The following CIDEB variants were observed in gnomAD, a reference collection of about 807,000 sequenced individuals.
CIDEB encodes the protein cell death inducing DFFA like effector b.
CIDEB carries 27 observed loss-of-function variants against 22.4 expected under a neutral mutation model. The observed-to-expected ratio is 1.21, with a 90% CI of 0.89 to 1.66. CIDEB has a LOEUF of 1.66. Ranked by LOEUF, CIDEB falls within the 40% of genes most tolerant of loss-of-function variation. The pLI is 0.00. For missense variants in CIDEB, 289 were observed against 268.7 expected (o/e 1.08, Z -0.53); for synonymous variants, 103 against 109.5 (o/e 0.94, Z 0.37).
upstream of CIDEB, chr14:24,310,594 C>G (rs1389896810): frequency 2.0e-6 from 3 of 1,486,998 alleles, no homozygotes; most frequent in South Asian, 3.4e-5. Context: ...CATCGGGCAT[C>G]ACAGGTGGGG....
chr14:24,310,497 TGG>T, upstream of CIDEB: 1 of 758,840 alleles, frequency 1.3e-6, no homozygotes. Flanking sequence ...GTGTTTGAGG[TGG>T]GGTCTGGGTC....
At chr14:24,307,070 A>C in intron 2 of CIDEB, 1 of 309,508 alleles carries the variant, frequency 3.2e-6, no homozygotes, top group South Asian at 6.7e-5. Flanking sequence ...ACAGGCAGGA[A>C]GTGGCAGAAT....
Position 24,307,417 on chromosome 14 carries a change from A to T in CIDEB, c.140T>A (p.Ile47Asn). Residue 47 changes from isoleucine to asparagine, a missense_variant, in exon 2 of 5, where the codon ATC (isoleucine) becomes AAC (asparagine). Physicochemically the swap from Ile to Asn is moderately radical, Grantham distance 149. Coordinates refer to ENST00000554411, the MANE Select transcript of CIDEB (RefSeq NM_001393339.1). ...GGTGGCAGCTGTCAGGCCTTTCCGG[A>T]TGGTCCGCTTGTGATCACAGACACG... Reference protein sequence around the residue: ...PFRVCDHKRTIRKGLTAATRQ... With the variant: ...PFRVCDHKRTNRKGLTAATRQ... The T allele has an allele frequency of 6.2e-7, 1 of 1,614,034 alleles. No homozygotes were observed. The highest frequency in any genetic ancestry group is 8.5e-7 in the Non-Finnish European group (1 of 1,179,960).
chr14:24,311,033 C>T (rs746485780), upstream of CIDEB: 8 of 1,580,510 alleles, frequency 5.1e-6, no homozygotes, highest in East Asian at 1.2e-4. Context: ...GCCTCGCAGT[C>T]ACCCGCCCCT....
upstream of CIDEB, chr14:24,310,821 G>C (rs1283653605): frequency 3.8e-6 from 6 of 1,594,502 alleles, no homozygotes; most frequent in Non-Finnish European, 5.1e-6. Flanking sequence ...GCCTGCACGG[G>C]GGCGACCGCT....
chr14:24,307,813 G>C lies in CIDEB; in HGVS notation c.41+5C>G. On this transcript the variant is annotated splice_donor_5th_base_variant and intron_variant, in intron 1 of 4. Transcript: ENST00000554411. The stretch of plus-strand genomic sequence containing the variant: ...TGGAGGGTAGAGCGGAGGGTTAGCA[G>C]TCACCTGAGTAAGTCACTGGGGTTC... 2 of 1,593,470 alleles carry C rather than the reference G, an allele frequency of 1.3e-6. No homozygotes were observed. Among genetic ancestry groups the C allele is most frequent in the Non-Finnish European group, 1.7e-6 (2 of 1,169,424 alleles).
rs758208237 is a variant in CIDEB at position 24,307,408 on chromosome 14, C to A, written c.149G>T (p.Gly50Val). 2.5e-6 allele frequency: 4 copies of A among 1,613,774 alleles called. No individual in the cohort carries two copies. In the East Asian group the frequency reaches 6.7e-5, roughly 27 times the overall value. Residue 50 changes from glycine to valine, a missense_variant, in exon 2 of 5, where the codon GGC (glycine) becomes GTC (valine). Gly to Val is a moderately radical substitution (Grantham distance 109, BLOSUM62 -3). Transcript: ENST00000554411. ...VCDHKRTIRK[G>V]LTAATRQELL... ...CTCCTGGCGGGTGGCAGCTGTCAGG[C>A]CTTTCCGGATGGTCCGCTTGTGATC...
Position 24,305,952 on chromosome 14 carries a change from T to C in CIDEB, c.522A>G (p.Val174=). The C allele has an allele frequency of 6.2e-7, 1 of 1,613,378 alleles. No homozygotes were observed. The highest frequency in any genetic ancestry group is 8.5e-7 in the Non-Finnish European group (1 of 1,179,524). The change falls in exon 4 of 5, where the codon GTA becomes GTG. Residue 174 remains valine (V), a synonymous_variant. Coordinates refer to ENST00000554411, the MANE Select transcript of CIDEB (RefSeq NM_001393339.1). ...ATGACATGTTGATTTCTGACCTGAG[T>C]ACTTTCTTTGGGCCAAGTCCTTGAA... The part of the protein sequence containing the change: ...CDFQGLGPKK[V]LRELLRWTST...
At position 24,305,411 on chromosome 14, in the gene CIDEB, C is replaced by T. The variant is rs2144493; in HGVS notation, c.*222G>A. The T allele has an allele frequency of 0.95, 576,590 of 606,522 alleles. 274,445 individuals carry two copies. The highest frequency in any genetic ancestry group is 0.97 in the Middle Eastern group (2,197 of 2,262). 37.6% of individuals were successfully genotyped at this position (606,522 alleles called of 1,614,324 possible). A position where few individuals can be genotyped will look rare whatever the true frequency, so the allele number is the denominator to read the frequency against. On this transcript the variant is annotated 3_prime_UTR_variant, in exon 5 of 5. Coordinates refer to ENST00000554411, the MANE Select transcript of CIDEB (RefSeq NM_001393339.1). ...TGGCCTTTCAGGGCAAGTGGGAGGC[C>T]AGAAAGGTGGCTAGGAAAGAACAGC...
Position 24,305,607 on chromosome 14 carries a change from T to A in CIDEB, c.*26A>T. The A allele has an allele frequency of 6.2e-7, 1 of 1,603,122 alleles. No homozygotes were observed. Among genetic ancestry groups the A allele is most frequent in the Non-Finnish European group, 8.5e-7 (1 of 1,175,026 alleles). ...CTTTGCAGTGGGTCGGTTGGAATGA[T>A]TCTGGGGGCAGAAGCTCAGAGCCCC... On this transcript the variant is annotated 3_prime_UTR_variant, in exon 5 of 5. Transcript: ENST00000554411.
upstream of CIDEB, chr14:24,310,512 C>A (rs892830487): frequency 2.4e-6 from 2 of 838,772 alleles, no homozygotes; most frequent in Non-Finnish European, 4.0e-6. Context: ...TCTGGGTCCT[C>A]GTGGAAGTCA....
Position 24,305,711 on chromosome 14 carries a change from C to T in CIDEB, c.582G>A (p.Leu194=), listed in dbSNP as rs1179443829. Residue 194 remains leucine, a synonymous_variant, in exon 5 of 5, where the codon CTG becomes CTA. Transcript: ENST00000554411. ...TLLQGLGHML[L]GISSTLRHAV... ...CATGACGAAGGGTGGAGGAAATTCC[C>T]AGCAACATATGGCCCAGGCCTTGCA... The T allele has an allele frequency of 1.9e-6, 3 of 1,614,078 alleles. No homozygotes were observed. Among genetic ancestry groups the T allele is most frequent in the Non-Finnish European group, 2.5e-6 (3 of 1,180,050 alleles).
chr14:24,310,868 C>A (rs1212252342), upstream of CIDEB: 1 of 1,591,548 alleles, frequency 6.3e-7, no homozygotes. Flanking sequence ...CGCTGGCCGA[C>A]GGCGCGGTGC....
chr14:24,305,546 C>G lies in CIDEB; in HGVS notation c.*87G>C. 6.6e-7 allele frequency: 1 copy of G among 1,515,978 alleles called. No individual in the cohort carries two copies. Among genetic ancestry groups the G allele is most frequent in the Non-Finnish European group, 8.9e-7 (1 of 1,124,080 alleles). 93.9% of individuals were successfully genotyped at this position (1,515,978 alleles called of 1,614,324 possible). ...AATTGGGTGGGTTATCTAGCCTGTA[C>G]TGTCTGCAGGTCCTGAAATTTGATG... is the stretch of plus-strand genomic sequence containing the variant. On this transcript the variant is annotated 3_prime_UTR_variant, in exon 5 of 5. Transcript: ENST00000554411.
chr14:24,305,938 AT>A lies in CIDEB; in HGVS notation c.527+8del, dbSNP rs1296002707. On this transcript the variant is annotated splice_region_variant and intron_variant, in intron 4 of 4. Transcript: ENST00000554411. ...GGGGATGGGGCAGTATGACATGTTG[AT>A]TTCTGACCTGAGTACTTTCTTTGGG... is the stretch of plus-strand genomic sequence containing the variant. The A allele has an allele frequency of 6.2e-7, 1 of 1,611,212 alleles. No homozygotes were observed. The highest frequency in any genetic ancestry group is 1.1e-5 in the South Asian group (1 of 90,704).
Position 24,305,330 on chromosome 14 carries a change from A to T in CIDEB, c.*303T>A, listed in dbSNP as rs2041463206. The T allele has an allele frequency of 1.8e-6, 1 of 559,402 alleles. No homozygotes were observed. Among genetic ancestry groups the T allele is most frequent in the African/African-American group, 1.9e-5 (1 of 52,612 alleles). 34.7% of individuals were successfully genotyped at this position (559,402 alleles called of 1,614,324 possible). The stretch of plus-strand genomic sequence containing the variant: ...TAGGGACAGGAGGCATTGGTAGGGG[A>T]TTAGATGTAGCAGCAGTCAGGCTGG... On this transcript the variant is annotated 3_prime_UTR_variant, in exon 5 of 5. Coordinates refer to ENST00000554411, the MANE Select transcript of CIDEB (RefSeq NM_001393339.1).
At position 24,305,267 on chromosome 14, in the gene CIDEB, A is replaced by T. The variant is rs1267697312; in HGVS notation, c.*366T>A. ...AGGGTATGAAGACAGATCTCAAGGTAAAGTCAGAGAGGGCTGTCATCAGTA... is the reference window on the plus strand; with the variant it reads ...AGGGTATGAAGACAGATCTCAAGGTTAAGTCAGAGAGGGCTGTCATCAGTA... On this transcript the variant is annotated 3_prime_UTR_variant, in exon 5 of 5. Coordinates refer to ENST00000554411, the MANE Select transcript of CIDEB (RefSeq NM_001393339.1). The T allele has an allele frequency of 1.4e-6, 1 of 713,146 alleles. No homozygotes were observed. Among genetic ancestry groups the T allele is most frequent in the East Asian group, 3.1e-5 (1 of 31,996 alleles). 44.2% of individuals were successfully genotyped at this position (713,146 alleles called of 1,614,324 possible). A position where few individuals can be genotyped will look rare whatever the true frequency, so the allele number is the denominator to read the frequency against.
chr14:24,309,649 TGTTCCTCCTGGA>T (rs1429177508), upstream of CIDEB: 2 of 152,314 alleles, frequency 1.3e-5, no homozygotes, highest in African/African-American at 4.8e-5. Flanking sequence ...ATGCATCCCC[TGTTCCTCCTGGA>T]ACCTAGCACC....
At chr14:24,310,901 G>T (rs2041673866), upstream of CIDEB, 8 of 1,593,186 alleles carry the variant, frequency 5.0e-6, no homozygotes, top group Non-Finnish European at 5.1e-6. Flanking sequence ...CGCTCTTTGT[G>T]GCCTTCCTGA....
Sources: allele counts gnomAD v4.1 joint callset, GRCh38; gene constraint gnomAD v4.1.1; transcripts MANE v1.5; gene names NCBI Gene and HGNC (gene_info 2026-07-23, HGNC 2026-07-21).